SEMA5A: variants seen among roughly 807,000 people sequenced by gnomAD.
SEMA5A encodes the protein semaphorin-5A.
SEMA5A carries 55 observed loss-of-function variants against 135.5 expected under a neutral mutation model. That is an observed-to-expected ratio of 0.41 (90% confidence interval 0.33 to 0.51). The LOEUF is 0.51. Among genes scored for constraint, SEMA5A ranks in the 20% least tolerant of loss-of-function variants. The probability of loss-of-function intolerance (pLI) is 0.37; values close to 1 mark genes in which losing one functional copy is unlikely to be tolerated. For missense variants in SEMA5A, 1,290 were observed against 1,419.9 expected, an observed-to-expected ratio of 0.91 and a Z score of 1.47; for synonymous variants, 580 against 546.5, an observed-to-expected ratio of 1.06 and a Z score of -0.85.
chr5:9,286,425 T>A (rs1750800078), intron 5 of SEMA5A, among the ~76,000 whole-genome samples: 1 of 152,152 alleles, frequency 6.6e-6, no homozygotes, highest in African/African-American at 2.4e-5. Flanking sequence ...CCCTCCGTAC[T>A]CTTTTTTCTA....
intron 1 of SEMA5A, among the ~76,000 whole-genome samples, chr5:9,529,800 G>T (rs1737343565): frequency 6.6e-6 from 1 of 152,184 alleles, no homozygotes; most frequent in African/African-American, 2.4e-5. Flanking sequence ...GGTGGGGGTA[G>T]GAAGTGTGGA....
intron 16 of SEMA5A, among the ~76,000 whole-genome samples, chr5:9,090,515 C>T (rs1381261645): frequency 6.6e-6 from 1 of 152,202 alleles, no homozygotes; most frequent in Non-Finnish European, 1.5e-5. Context: ...TGCATGTCTC[C>T]TTACAAATAT....
At chr5:9,384,595 G>C (rs199593043) in intron 2 of SEMA5A, among the ~76,000 whole-genome samples, 2,890 of 100,660 alleles carry the variant, frequency 0.029, 139 homozygotes, top group African/African-American at 0.035. Context: ...TAGATAGATA[G>C]ATAGATAGAT....
chr5:9,468,867 T>A (rs1299391411), intron 1 of SEMA5A, among the ~76,000 whole-genome samples: 1 of 152,210 alleles, frequency 6.6e-6, no homozygotes, highest in Non-Finnish European at 1.5e-5. Flanking sequence ...ATTTAAAGCA[T>A]TTCATACCTA....
At chr5:9,197,728 T>TTGTATG (rs778921009) in intron 9 of SEMA5A, among the ~76,000 whole-genome samples, 19 of 59,300 alleles carry the variant, frequency 3.2e-4, no homozygotes, top group East Asian at 1.9e-3. Context: ...GGAAAGCTGT[T>TTGTATG]TGTGTGTGTG....
rs546017909 is a variant in SEMA5A at position 9,347,216 on chromosome 5, C to T, written c.125-9404G>A. On this transcript the variant is annotated intron_variant, in intron 3 of 22. Transcript: ENST00000382496. ...TTTAAAAATGCAAGCAGTGCTTTTT[C>T]GAATCTTTTCTGGTTTCTATTGCAG... Among the ~76,000 whole-genome samples, 4 of 152,220 alleles carry T rather than the reference C, an allele frequency of 2.6e-5. No individual in the cohort carries two copies. The South Asian group carries it at 6.2e-4, about 24-fold the overall frequency.
At chr5:9,330,389 CA>C (rs10564647) in intron 4 of SEMA5A, among the ~76,000 whole-genome samples, 4,447 of 106,912 alleles carry the variant, frequency 0.042, 163 homozygotes, top group African/African-American at 0.1. Context: ...GACTCTGTCT[CA>C]AAAAAAAAAA....
At chr5:9,345,456 A>C (rs1187116787) in intron 3 of SEMA5A, among the ~76,000 whole-genome samples, 1 of 151,492 alleles carries the variant, frequency 6.6e-6, no homozygotes. Flanking sequence ...ACAATTTCAC[A>C]GATTGGTGGT....
At chr5:9,312,322 A>T (rs1164544683) in intron 5 of SEMA5A, among the ~76,000 whole-genome samples, 4 of 151,092 alleles carry the variant, frequency 2.6e-5, no homozygotes, top group Non-Finnish European at 4.4e-5. Flanking sequence ...GGGATGGCTA[A>T]ACTTCAGCAT....
chr5:9,381,170 A>G (rs1286001191), intron 2 of SEMA5A, among the ~76,000 whole-genome samples: 1 of 152,234 alleles, frequency 6.6e-6, no homozygotes, highest in South Asian at 2.1e-4. Context: ...TAATATTAAT[A>G]AGACCATTAT....
At chr5:9,307,653 T>C in intron 5 of SEMA5A, among the ~76,000 whole-genome samples, 1 of 152,146 alleles carries the variant, frequency 6.6e-6, no homozygotes, top group Non-Finnish European at 1.5e-5. Context: ...TTATTTTTGT[T>C]AGCATTTTGG....
chr5:9,255,856 C>T (rs563305769), intron 5 of SEMA5A, among the ~76,000 whole-genome samples: 35 of 152,284 alleles, frequency 2.3e-4, no homozygotes, highest in East Asian at 9.7e-4. Context: ...GCATCTCAAA[C>T]GTAATACATG....
intron 2 of SEMA5A, among the ~76,000 whole-genome samples, chr5:9,410,651 T>C (rs1274654198): frequency 6.6e-6 from 1 of 151,978 alleles, no homozygotes; most frequent in Admixed American, 6.6e-5. Flanking sequence ...TAAGTGGTAG[T>C]TGAACATTGA....
Position 9,042,694 on chromosome 5 carries a change from G to C in SEMA5A, c.*203C>G. ...TCACACCCTGGCTCATTCAACAATG[G>C]TCAAGATTTTCACGATGTCTTATTT... is the stretch of plus-strand genomic sequence containing the variant. On this transcript the variant is annotated 3_prime_UTR_variant, in exon 23 of 23. Transcript: ENST00000382496. 1 of 566,900 alleles carries C rather than the reference G, an allele frequency of 1.8e-6. No individual in the cohort carries two copies. Among genetic ancestry groups the C allele is most frequent in the Admixed American group, 3.5e-5 (1 of 28,382 alleles). 35.1% of individuals were successfully genotyped at this position (566,900 alleles called of 1,614,324 possible).
intron 5 of SEMA5A, among the ~76,000 whole-genome samples, chr5:9,263,387 T>C (rs1405606392): frequency 6.6e-6 from 1 of 152,292 alleles, no homozygotes; most frequent in East Asian, 1.9e-4. Flanking sequence ...TTAGATTCTC[T>C]TAGGAGCATG....
intron 4 of SEMA5A, among the ~76,000 whole-genome samples, chr5:9,331,885 CAAAT>C (rs112256972): frequency 0.012 from 1,786 of 152,286 alleles, 33 homozygotes; most frequent in African/African-American, 0.041. Flanking sequence ...ATTAGCCAAA[CAAAT>C]GGTTCAAAAT....
rs189078372 is a variant in SEMA5A, at chr5:9,170,831, T to G, written c.1274-16136A>C. On this transcript the variant is annotated intron_variant, in intron 11 of 22. Transcript: ENST00000382496. ...AGCAGCCAGGACCAAGACAAGTATA[T>G]GATAAAGGAGACCCTTTCATTCACC... 2.8e-3 allele frequency among the ~76,000 whole-genome samples: 427 copies of G among 152,210 alleles called. 2 individuals carry two copies. The highest frequency in any genetic ancestry group is 4.5e-3 in the Non-Finnish European group (308 of 68,010).
chr5:9,162,995 G>C (rs1342229887), intron 11 of SEMA5A, among the ~76,000 whole-genome samples: 2 of 152,136 alleles, frequency 1.3e-5, no homozygotes, highest in Non-Finnish European at 2.9e-5. Flanking sequence ...CTCAGTAATA[G>C]TATAGATTGT....
At position 9,274,507 on chromosome 5, in the gene SEMA5A, C is replaced by T. The variant is rs551594376; in HGVS notation, c.271-36617G>A. On this transcript the variant is annotated intron_variant, in intron 5 of 22. Coordinates refer to ENST00000382496, the MANE Select transcript of SEMA5A (RefSeq NM_003966.3). ...TAATAGACATCTACAGAACTCTCCACACCAAATCAACAGAATATACATTAT... is the reference window on the plus strand; with the variant it reads ...TAATAGACATCTACAGAACTCTCCATACCAAATCAACAGAATATACATTAT... Among the ~76,000 whole-genome samples the T allele has an allele frequency of 1.1e-3, 175 of 152,264 alleles. 1 individual carries two copies. Among genetic ancestry groups the T allele is most frequent in the Non-Finnish European group, 2.0e-3 (139 of 68,022 alleles).
Sources: allele counts gnomAD v4.1 joint callset (sites outside exome capture counted in the v4.1 genomes callset), GRCh38; gene constraint gnomAD v4.1.1; transcripts MANE v1.5; gene names NCBI Gene and HGNC (gene_info 2026-07-23, HGNC 2026-07-21).